ZNRF1: variants seen among roughly 807,000 people sequenced by gnomAD.
ZNRF1 encodes the protein zinc and ring finger 1.
A neutral mutation model predicts 18.4 loss-of-function variants in ZNRF1; 3 were observed. That is an observed-to-expected ratio of 0.16 (90% CI 0.07 to 0.42). The LOEUF (loss-of-function observed/expected upper bound fraction) is 0.42, where lower values mean the gene tolerates loss of function less well. Ranked by LOEUF, ZNRF1 falls within the 10% of genes least tolerant of loss-of-function variation. The probability of loss-of-function intolerance (pLI) is 0.99; values close to 1 mark genes in which losing one functional copy is unlikely to be tolerated. For synonymous variants in ZNRF1, 157 were observed against 144.2 expected, an observed-to-expected ratio of 1.09 and a Z score of -0.64; for missense variants, 310 against 329.8, an observed-to-expected ratio of 0.94 and a Z score of 0.47.
chr16:75,000,300 A>T (rs2034827494), intron 1 of ZNRF1: 1 of 793,708 alleles, frequency 1.3e-6, no homozygotes, highest in Admixed American at 2.0e-5. Context: ...CGATTTAGGG[A>T]CTCACGGCGT....
intron 1 of ZNRF1, among the ~76,000 whole-genome samples, chr16:75,042,583 A>G (rs933325653): frequency 2.0e-5 from 3 of 151,686 alleles, no homozygotes; most frequent in Non-Finnish European, 4.4e-5. Flanking sequence ...TCGGCTTTCA[A>G]TTCTGTTCCA....
chr16:75,100,715 CT>C (rs2145427931), intron 2 of ZNRF1, among the ~76,000 whole-genome samples: 1 of 152,248 alleles, frequency 6.6e-6, no homozygotes, highest in South Asian at 2.1e-4. Flanking sequence ...GGAAATCCTC[CT>C]TAAGTATGGA....
intron 1 of ZNRF1, among the ~76,000 whole-genome samples, chr16:75,052,811 G>A (rs1394635320): frequency 1.3e-5 from 2 of 152,156 alleles, no homozygotes; most frequent in East Asian, 3.8e-4. Flanking sequence ...CTGTCTGTCC[G>A]TCCAGCTTAC....
chr16:75,108,603 C>CA lies in ZNRF1; in HGVS notation c.*912dup, dbSNP rs199605180. ...GTTTCTGTATTTATATATTAAAATA[C>CA]AAAAAAAAACTTATAAAATGTTTAA... On this transcript the variant is annotated 3_prime_UTR_variant, in exon 5 of 5. Transcript: ENST00000335325. 116 of 395,096 alleles carry CA rather than the reference C, an allele frequency of 2.9e-4. No individual in the cohort carries two copies. The highest frequency in any genetic ancestry group is 1.5e-3 in the African/African-American group (70 of 48,252). 24.5% of individuals were successfully genotyped at this position (395,096 alleles called of 1,614,324 possible).
At chr16:75,058,815 T>C (rs2035700902) in intron 1 of ZNRF1, among the ~76,000 whole-genome samples, 2 of 152,204 alleles carry the variant, frequency 1.3e-5, no homozygotes, top group Admixed American at 6.5e-5. Context: ...GTTTGTCCTT[T>C]AAATAAATCG....
At chr16:75,071,108 T>TC (rs997642987) in intron 1 of ZNRF1, among the ~76,000 whole-genome samples, 2 of 150,798 alleles carry the variant, frequency 1.3e-5, no homozygotes, top group Non-Finnish European at 3.0e-5. Flanking sequence ...CTTTTTTTTT[T>TC]TTTTCTTTTG....
At chr16:75,038,072 A>G (rs891797092) in intron 1 of ZNRF1, among the ~76,000 whole-genome samples, 1 of 152,208 alleles carries the variant, frequency 6.6e-6, no homozygotes, top group Non-Finnish European at 1.5e-5. Flanking sequence ...AGAATATTCT[A>G]GGGCAGACTT....
chr16:75,061,889 A>C (rs923667919), intron 1 of ZNRF1, among the ~76,000 whole-genome samples: 1 of 152,170 alleles, frequency 6.6e-6, no homozygotes. Context: ...CCTTTTACTG[A>C]CAATTGGCCC....
At chr16:75,036,229 C>A (rs539399586) in intron 1 of ZNRF1, among the ~76,000 whole-genome samples, 5 of 152,316 alleles carry the variant, frequency 3.3e-5, no homozygotes, top group African/African-American at 1.2e-4. Flanking sequence ...TGCCATCACA[C>A]CTAGCTAATT....
intron 1 of ZNRF1, among the ~76,000 whole-genome samples, chr16:75,083,656 A>G (rs1187169135): frequency 6.6e-6 from 1 of 152,212 alleles, no homozygotes; most frequent in Non-Finnish European, 1.5e-5. Flanking sequence ...GGAAGCCTAT[A>G]TTTGTAAAGA....
chr16:75,095,777 A>C (rs1452019128), intron 2 of ZNRF1: 3 of 1,491,630 alleles, frequency 2.0e-6, no homozygotes, highest in Non-Finnish European at 2.7e-6. Context: ...CCTCTGCCAG[A>C]GAACTGCCTG....
chr16:75,098,730 C>T (rs546299011), intron 2 of ZNRF1, among the ~76,000 whole-genome samples: 19 of 152,340 alleles, frequency 1.2e-4, no homozygotes, highest in African/African-American at 4.6e-4. Flanking sequence ...CACCTTCCTT[C>T]TCTCTGGGCC....
At chr16:75,051,419 G>GA in intron 1 of ZNRF1, among the ~76,000 whole-genome samples, 1 of 152,056 alleles carries the variant, frequency 6.6e-6, no homozygotes, top group African/African-American at 2.4e-5. Flanking sequence ...ATGGTGGCCA[G>GA]GGTGGTCTCA....
At position 75,093,565 on chromosome 16, in the gene ZNRF1, C is replaced by G. The variant is rs769419376; in HGVS notation, c.425-7C>G. 8.7e-6 allele frequency: 14 copies of G among 1,611,448 alleles called. No homozygotes were observed. In the Admixed American group the frequency reaches 2.2e-4, roughly 25 times the overall value. The stretch of plus-strand genomic sequence containing the variant: ...AAAACATTTCATCCCATTCTCCTCT[C>G]TTTCAGGTTTCAAGTGCCCCATTTG... On this transcript the variant is annotated splice_region_variant and splice_polypyrimidine_tract_variant and intron_variant, in intron 1 of 4. Transcript: ENST00000335325.
At chr16:75,078,306 T>A (rs1292782478) in intron 1 of ZNRF1, among the ~76,000 whole-genome samples, 2 of 146,212 alleles carry the variant, frequency 1.4e-5, no homozygotes, top group Non-Finnish European at 3.0e-5. Flanking sequence ...CTTTTTTTTT[T>A]TTTTTTTTTT....
At chr16:75,006,511 C>T (rs2034919691) in intron 1 of ZNRF1, among the ~76,000 whole-genome samples, 1 of 152,222 alleles carries the variant, frequency 6.6e-6, no homozygotes, top group South Asian at 2.1e-4. Context: ...TCTGAGCTCA[C>T]TGCAACGTCC....
At chr16:75,095,791 C>T (rs764258009) in intron 2 of ZNRF1, 71 of 1,465,748 alleles carry the variant, frequency 4.8e-5, no homozygotes, top group African/African-American at 4.1e-4. Flanking sequence ...CTGCCTGGGA[C>T]GCCACCATGT....
At chr16:75,060,502 C>G (rs1388720342) in intron 1 of ZNRF1, among the ~76,000 whole-genome samples, 7 of 90,080 alleles carry the variant, frequency 7.8e-5, no homozygotes, top group East Asian at 3.4e-4. Context: ...TTTTTTGAGA[C>G]AGTTTCATTC....
intron 1 of ZNRF1, among the ~76,000 whole-genome samples, chr16:75,037,329 A>G (rs987875942): frequency 6.6e-6 from 1 of 151,146 alleles, no homozygotes; most frequent in Non-Finnish European, 1.5e-5. Flanking sequence ...CTTGGTCTTC[A>G]CTCTTTTGTT....
Sources: allele counts gnomAD v4.1 joint callset (sites outside exome capture counted in the v4.1 genomes callset), GRCh38; gene constraint gnomAD v4.1.1; transcripts MANE v1.5; gene names NCBI Gene and HGNC (gene_info 2026-07-23, HGNC 2026-07-21).